Variants in MCM5 observed in about 807,000 individuals in gnomAD.
MCM5 encodes the protein DNA replication licensing factor MCM5.
A neutral mutation model predicts 79.9 loss-of-function variants in MCM5; 46 were observed. The ratio of observed to expected loss-of-function variants is 0.58; its 90% CI spans 0.45 to 0.74. MCM5 has a LOEUF of 0.74. Among genes scored for constraint, MCM5 ranks in the 30% least tolerant of loss-of-function variants. MCM5 has a pLI of 0.00. For missense variants in MCM5, 883 were observed against 1,017.0 expected (o/e 0.87, Z 1.79); for synonymous variants, 404 against 390.5 (o/e 1.03, Z -0.41).
the MCM5 span, among the ~76,000 whole-genome samples, chr22:35,441,055 CAAAAAAAA>C: frequency 2.1e-5 from 2 of 96,158 alleles, no homozygotes; most frequent in Admixed American, 1.1e-4. Flanking sequence ...GAAACTCTGT[CAAAAAAAA>C]AAAAAAAAAA....
At chr22:35,412,453 G>A in intron 7 of MCM5, 57 bp from the exon 8 acceptor site, 2 of 1,386,888 alleles carry the variant, frequency 1.4e-6, no homozygotes, top group Non-Finnish European at 1.9e-6. Flanking sequence ...GCCAGGATGG[G>A]CAGTGGGCTG....
the MCM5 span, among the ~76,000 whole-genome samples, chr22:35,438,916 TATTCATCC>T: frequency 1.0e-5 from 1 of 98,622 alleles, no homozygotes; most frequent in African/African-American, 4.0e-5. Flanking sequence ...TCCACTCACA[TATTCATCC>T]ATCCATCCAT....
chr22:35,400,386 C>T, intron 1 of MCM5, 45 bp from the exon 2 acceptor site: 3 of 1,610,454 alleles, frequency 1.9e-6, no homozygotes, highest in East Asian at 2.2e-5. Flanking sequence ...GAGGAGGTGC[C>T]AGGCGCTGCC....
intron 2 of MCM5, among the ~76,000 whole-genome samples, chr22:35,400,846 A>G (rs1932024661): frequency 6.6e-6 from 1 of 152,076 alleles, no homozygotes; most frequent in Admixed American, 6.5e-5. Flanking sequence ...TTTGAGACGG[A>G]GTCTCGCTCT....
At chr22:35,447,230 A>G in the MCM5 span, among the ~76,000 whole-genome samples, 1 of 152,032 alleles carries the variant, frequency 6.6e-6, no homozygotes, top group Non-Finnish European at 1.5e-5. Context: ...TAAACTGCAA[A>G]GGGTGGAACA....
the MCM5 span, among the ~76,000 whole-genome samples, chr22:35,441,454 T>C: frequency 1.3e-5 from 2 of 152,322 alleles, no homozygotes; most frequent in Admixed American, 6.5e-5. Context: ...GGCGCTGTGC[T>C]GAGTACTCTT....
chr22:35,423,935 C>G (rs1932752703), intron 16 of MCM5: 5 of 524,964 alleles, frequency 9.5e-6, no homozygotes, highest in Non-Finnish European at 1.7e-5. Flanking sequence ...TCAGATGGGA[C>G]TTAAGTCCCA....
At chr22:35,432,306 C>T in the MCM5 span, among the ~76,000 whole-genome samples, 5 of 152,232 alleles carry the variant, frequency 3.3e-5, no homozygotes, top group Admixed American at 3.3e-4. Context: ...AGAGATGGGA[C>T]CCCATGGAGG....
At chr22:35,428,255 C>T (rs1932790707), downstream of MCM5, among the ~76,000 whole-genome samples, 1 of 151,962 alleles carries the variant, frequency 6.6e-6, no homozygotes, top group Non-Finnish European at 1.5e-5. Context: ...CTCCTGAACT[C>T]AAGTGATCTG....
the MCM5 span, among the ~76,000 whole-genome samples, chr22:35,444,166 G>GGAGAGAGAGAGA: frequency 1.1e-3 from 161 of 148,024 alleles, no homozygotes; most frequent in Admixed American, 2.5e-3. Flanking sequence ...CTGACAGGCA[G>GGAGAGAGAGAGA]GAGAGAGAGA....
At chr22:35,416,509 A>ATGTGTG (rs1462413330) in intron 11 of MCM5, 105 bp downstream of exon 11, 1 of 1,028,382 alleles carries the variant, frequency 9.7e-7, no homozygotes. Context: ...CAGGCCTAGA[A>ATGTGTG]TCTGTGTGTG....
rs746160563 is a variant in MCM5 at position 35,408,450 on chromosome 22, C to T, written c.639C>T (p.Phe213=). 8.2e-5 allele frequency: 133 copies of T among 1,614,096 alleles called. No homozygotes were observed. Among genetic ancestry groups the T allele is most frequent in the Non-Finnish European group, 1.0e-4 (123 of 1,180,040 alleles). Residue 213 remains phenylalanine (F), a synonymous_variant, in exon 6 of 17, where the codon TTC becomes TTT. Transcript: ENST00000216122. ...CCAAATGCCCATTGGACCCGTACTT[C>T]ATCATGCCCGACAAATGCAAATGCG... ...GRPKCPLDPY[F]IMPDKCKCVD...
rs1291855318 is a variant in MCM5 at position 35,415,891 on chromosome 22, T to A, written c.1266T>A (p.Pro422=). ...AGLTASVMRD[P]SSRNFIMEGG... ...TGACAGCCTCGGTGATGAGGGACCCTTCGTCCCGGAATTTCATCATGGAGG... is the reference window on the plus strand; with the variant it reads ...TGACAGCCTCGGTGATGAGGGACCCATCGTCCCGGAATTTCATCATGGAGG... Residue 422 remains proline, a synonymous_variant, in exon 10 of 17, where the codon CCT becomes CCA. Transcript: ENST00000216122. The A allele has an allele frequency of 1.2e-6, 2 of 1,614,018 alleles. No homozygotes were observed. The highest frequency in any genetic ancestry group is 2.7e-5 in the African/African-American group (2 of 74,930).
At chr22:35,425,876 A>G (rs368268826), downstream of MCM5, among the ~76,000 whole-genome samples, 12 of 152,156 alleles carry the variant, frequency 7.9e-5, no homozygotes, top group East Asian at 7.7e-4. Context: ...TCTGTTTTAC[A>G]GGTGGAGAAA....
the MCM5 span, among the ~76,000 whole-genome samples, chr22:35,440,115 C>T: frequency 3.3e-5 from 5 of 152,204 alleles, no homozygotes; most frequent in South Asian, 2.1e-4. Flanking sequence ...CAATTGTAGG[C>T]GGAGTCTGGG....
rs546482255 is a variant in MCM5, at chr22:35,417,084, T to C, written c.1590+270T>C. 4.6e-5 allele frequency among the ~76,000 whole-genome samples: 7 copies of C among 152,314 alleles called. No individual in the cohort carries two copies. In the South Asian group the frequency reaches 1.5e-3, roughly 32 times the overall value. On this transcript the variant is annotated intron_variant, in intron 12 of 16. Coordinates refer to ENST00000216122, the MANE Select transcript of MCM5 (RefSeq NM_006739.4). ...TTTCTCCCTGGGCCTCAGTCCCTTATATATGAAACAGAGGAGTTGACATTG... is the reference window on the plus strand; with the variant it reads ...TTTCTCCCTGGGCCTCAGTCCCTTACATATGAAACAGAGGAGTTGACATTG...
chr22:35,429,619 C>G (rs561848055), downstream of MCM5, among the ~76,000 whole-genome samples: 1 of 151,922 alleles, frequency 6.6e-6, no homozygotes, highest in Non-Finnish European at 1.5e-5. Flanking sequence ...TCACTGCAAC[C>G]TCCACCTCCT....
chr22:35,424,170 C>T lies in MCM5; in HGVS notation c.2120C>T (p.Ala707Val), dbSNP rs1932755319. 5 of 1,551,522 alleles carry T rather than the reference C, an allele frequency of 3.2e-6. No homozygotes were observed. Among genetic ancestry groups the T allele is most frequent in the Non-Finnish European group, 4.4e-6 (5 of 1,147,076 alleles). ...CTCCCACAGAAATACCCGGAGCACG[C>T]CATCCACAAGGTGCTGCAGCTCATG... ...DFTKQKYPEH[A>V]IHKVLQLMLR... The change falls in exon 17 of 17, where the codon GCC becomes GTC. Residue 707 changes from alanine to valine, a missense_variant. Coordinates refer to ENST00000216122, the MANE Select transcript of MCM5 (RefSeq NM_006739.4).
chr22:35,415,837 G>C lies in MCM5; in HGVS notation c.1212G>C (p.Thr404=), dbSNP rs188820496. 1.4e-5 allele frequency: 23 copies of C among 1,613,304 alleles called. No homozygotes were observed. The Admixed American group carries it at 3.8e-4, about 27-fold the overall frequency. The change falls in exon 10 of 17, where the codon ACG becomes ACC. Residue 404 remains threonine (T), a synonymous_variant. Coordinates refer to ENST00000216122, the MANE Select transcript of MCM5 (RefSeq NM_006739.4). ...CCACCCCACTGCCCCAGGTATACAC[G>C]TCTGGGAAAGGCAGCAGCGCAGCTG... ...VEKCSPIGVY[T]SGKGSSAAGL... is the part of the protein sequence containing the mutation.
Sources: allele counts gnomAD v4.1 joint callset (sites outside exome capture counted in the v4.1 genomes callset), GRCh38; gene constraint gnomAD v4.1.1; transcripts MANE v1.5; gene names NCBI Gene and HGNC (gene_info 2026-07-23, HGNC 2026-07-21).